The following TENM2 variants were observed in gnomAD, a reference collection of about 807,000 sequenced individuals.
TENM2 encodes teneurin transmembrane protein 2.
TENM2 carries 52 observed loss-of-function variants against 245.2 expected under a neutral mutation model. The observed-to-expected ratio is 0.21, with a 90% CI of 0.17 to 0.27. The LOEUF (loss-of-function observed/expected upper bound fraction) is 0.27. TENM2 is among the 10% of genes least tolerant of loss of function. TENM2 has a pLI of 1.00. For synonymous variants in TENM2, 1,363 were observed against 1,438.9 expected, an observed-to-expected ratio of 0.95 and a Z score of 1.19; for missense variants, 3,046 against 3,666.8, an observed-to-expected ratio of 0.83 and a Z score of 4.37.
intron 2 of TENM2, among the ~76,000 whole-genome samples, chr5:167,578,936 G>A (rs1312336394): frequency 1.3e-5 from 2 of 152,224 alleles, no homozygotes; most frequent in African/African-American, 4.8e-5. Context: ...TAAGTAAGTA[G>A]AGTGTCATGC....
At chr5:167,678,768 C>T (rs929776998) in intron 2 of TENM2, among the ~76,000 whole-genome samples, 1 of 152,094 alleles carries the variant, frequency 6.6e-6, no homozygotes, top group Admixed American at 6.6e-5. Flanking sequence ...TCTTGGCTGA[C>T]TTTGTCAGTA....
At chr5:167,252,923 A>G in the TENM2 span, among the ~76,000 whole-genome samples, 1 of 152,138 alleles carries the variant, frequency 6.6e-6, no homozygotes, top group Non-Finnish European at 1.5e-5. Context: ...TACGTGTCAT[A>G]GCTCTCTGGG....
At chr5:167,271,079 T>C in the TENM2 span, among the ~76,000 whole-genome samples, 4 of 152,222 alleles carry the variant, frequency 2.6e-5, no homozygotes, top group East Asian at 7.8e-4. Context: ...TTCAATCTCA[T>C]TTACAGAGAG....
At chr5:167,775,568 A>G (rs960544987) in intron 2 of TENM2, among the ~76,000 whole-genome samples, 5 of 152,184 alleles carry the variant, frequency 3.3e-5, no homozygotes, top group Admixed American at 2.0e-4. Flanking sequence ...AGTGTTTAGG[A>G]AAAAAATCTG....
At chr5:167,518,862 G>T (rs1050549918) in intron 2 of TENM2, among the ~76,000 whole-genome samples, 3 of 152,080 alleles carry the variant, frequency 2.0e-5, no homozygotes, top group Admixed American at 6.6e-5. Context: ...GAGGATGGGG[G>T]TACAGAGGCT....
At chr5:166,991,131 T>G in the TENM2 span, among the ~76,000 whole-genome samples, 1 of 151,938 alleles carries the variant, frequency 6.6e-6, no homozygotes, top group African/African-American at 2.4e-5. Flanking sequence ...ATGTTTCAAT[T>G]AAGTCTTTTA....
At chr5:168,023,632 G>C (rs1786357810) in intron 5 of TENM2, among the ~76,000 whole-genome samples, 1 of 152,216 alleles carries the variant, frequency 6.6e-6, no homozygotes, top group Non-Finnish European at 1.5e-5. Flanking sequence ...TTAGAGAGCA[G>C]CTGGACGTCC....
chr5:168,150,701 G>A (rs1040530098), intron 12 of TENM2, among the ~76,000 whole-genome samples: 2 of 152,116 alleles, frequency 1.3e-5, no homozygotes, highest in African/African-American at 4.8e-5. Flanking sequence ...AAGATTTCTT[G>A]GGGAACAAGA....
intron 2 of TENM2, among the ~76,000 whole-genome samples, chr5:167,459,593 T>A (rs904437281): frequency 6.6e-6 from 1 of 152,246 alleles, no homozygotes; most frequent in African/African-American, 2.4e-5. Context: ...ATCGTCATAC[T>A]ATTTTCCATA....
intron 3 of TENM2, among the ~76,000 whole-genome samples, chr5:167,940,143 C>G (rs995766291): frequency 6.6e-6 from 1 of 152,156 alleles, no homozygotes; most frequent in Non-Finnish European, 1.5e-5. Context: ...GAACTTTGAT[C>G]AAGTTCAAGC....
intron 13 of TENM2, among the ~76,000 whole-genome samples, chr5:168,178,369 C>T (rs981103591): frequency 5.9e-5 from 9 of 152,174 alleles, no homozygotes; most frequent in Non-Finnish European, 8.8e-5. Flanking sequence ...GAACAGCAGG[C>T]AGAGGGCAAG....
At chr5:167,056,768 G>T in the TENM2 span, among the ~76,000 whole-genome samples, 1 of 149,930 alleles carries the variant, frequency 6.7e-6, no homozygotes, top group Non-Finnish European at 1.5e-5. Flanking sequence ...CTCTGGTTTT[G>T]TTAGTTTTTT....
intron 3 of TENM2, among the ~76,000 whole-genome samples, chr5:167,892,560 G>C (rs1422523618): frequency 6.6e-6 from 1 of 152,206 alleles, no homozygotes; most frequent in Non-Finnish European, 1.5e-5. Flanking sequence ...AGAATCCACT[G>C]TGCAGCTGCT....
At chr5:167,735,257 A>G (rs190204114) in intron 2 of TENM2, among the ~76,000 whole-genome samples, 193 of 152,286 alleles carry the variant, frequency 1.3e-3, no homozygotes, top group African/African-American at 4.4e-3. Flanking sequence ...TTACAGATGA[A>G]AAAAACTATG....
chr5:168,220,198 C>T (rs1763553638), intron 23 of TENM2, among the ~76,000 whole-genome samples: 1 of 152,202 alleles, frequency 6.6e-6, no homozygotes, highest in Non-Finnish European at 1.5e-5. Flanking sequence ...TGAAGCTATA[C>T]ACTCACCCAA....
At chr5:167,646,680 G>T (rs902460069) in intron 2 of TENM2, among the ~76,000 whole-genome samples, 1 of 151,596 alleles carries the variant, frequency 6.6e-6, no homozygotes, top group Admixed American at 6.6e-5. Flanking sequence ...TAGCAACCCG[G>T]GGACATAGGG....
At chr5:168,145,593 A>G (rs1437625034) in intron 12 of TENM2, among the ~76,000 whole-genome samples, 1 of 151,532 alleles carries the variant, frequency 6.6e-6, no homozygotes, top group Non-Finnish European at 1.5e-5. Flanking sequence ...GCCTTGTAGT[A>G]TAGTTTGAAG....
chr5:167,993,148 C>T (rs777736717), exon 5 of TENM2: 1 of 1,614,004 alleles, frequency 6.2e-7, no homozygotes, highest in South Asian at 1.1e-5. Flanking sequence ...TTGCCGCGGC[C>T]CTCCTCTTGG....
Position 167,847,151 on chromosome 5 carries a change from C to G in TENM2, c.503-28835C>G, listed in dbSNP as rs544047712. ...GATGTTTTGTAGAGATAGAGTCTCA[C>G]TATGTTGCCCAAGTTGATCTTGAAC... On this transcript the variant is annotated intron_variant, in intron 2 of 28. Transcript: ENST00000518659. 2.0e-4 allele frequency among the ~76,000 whole-genome samples: 31 copies of G among 152,318 alleles called. 1 individual carries two copies. The highest frequency in any genetic ancestry group is 7.5e-4 in the African/African-American group (31 of 41,566).
Sources: gnomAD v4.1 joint callset for allele counts (sites outside exome capture counted in the v4.1 genomes callset) on GRCh38, gnomAD v4.1.1 for gene constraint, MANE v1.5 for transcripts, NCBI Gene and HGNC (gene_info 2026-07-23, HGNC 2026-07-21) for gene names.